FBXO25: variants seen among roughly 807,000 people sequenced by gnomAD.
FBXO25 encodes F-box only protein 25.
A neutral mutation model predicts 51.9 loss-of-function variants in FBXO25; 45 were observed. That is an observed-to-expected ratio of 0.87 (90% CI 0.68 to 1.11). FBXO25 has a LOEUF of 1.11. Among genes scored for constraint, FBXO25 ranks in the 50% most tolerant of loss-of-function variants. The probability of loss-of-function intolerance (pLI) is 0.00; values close to 1 mark genes in which losing one functional copy is unlikely to be tolerated. For missense variants in FBXO25, 507 were observed against 428.5 expected, an observed-to-expected ratio of 1.18 and a Z score of -1.62; for synonymous variants, 199 against 151.0, an observed-to-expected ratio of 1.32 and a Z score of -2.33.
rs1363573629 is a variant in FBXO25 at position 473,430 on chromosome 8, C to T, written c.*4626C>T. ...CTGCTGCCATTCTCGCCCTCAGCAT[C>T]TGTGAGATGAAGGAGTTGCTCCCCA... On this transcript the variant is annotated 3_prime_UTR_variant, in exon 10 of 10. Transcript: ENST00000350302. 6.6e-6 allele frequency: 1 copy of T among 152,344 alleles called. No individual in the cohort carries two copies. Among genetic ancestry groups the T allele is most frequent in the Non-Finnish European group, 1.5e-5 (1 of 68,130 alleles). The allele number at this position is 152,344 out of a possible 1,614,324, so 9.4% of individuals were successfully genotyped here.
intron 2 of FBXO25, among the ~76,000 whole-genome samples, chr8:415,519 C>T (rs1242587761): frequency 1.3e-5 from 2 of 152,104 alleles, no homozygotes; most frequent in Non-Finnish European, 2.9e-5. Context: ...GAGGGTAGGT[C>T]GGCTGGGGTC....
At chr8:443,635 G>A (rs1464899445) in intron 5 of FBXO25, among the ~76,000 whole-genome samples, 2 of 151,124 alleles carry the variant, frequency 1.3e-5, no homozygotes, top group Non-Finnish European at 2.9e-5. Flanking sequence ...TAAGCCTGAA[G>A]TGGAGGGCAT....
intron 3 of FBXO25, among the ~76,000 whole-genome samples, chr8:432,278 C>A (rs1031456367): frequency 6.6e-6 from 1 of 152,048 alleles, no homozygotes; most frequent in Non-Finnish European, 1.5e-5. Flanking sequence ...GCATCCCAGG[C>A]AGGACAGAGC....
chr8:468,356 C>G, intron 9 of FBXO25: 1 of 819,252 alleles, frequency 1.2e-6, no homozygotes, highest in Non-Finnish European at 1.5e-6. Flanking sequence ...AAAGGAATGG[C>G]TGGGACCAGA....
chr8:448,024 A>G (rs868346545), intron 5 of FBXO25, among the ~76,000 whole-genome samples: 1 of 152,214 alleles, frequency 6.6e-6, no homozygotes, highest in Non-Finnish European at 1.5e-5. Context: ...AAAAAAGGTG[A>G]TGGAAATAAT....
chr8:439,188 A>T (rs1228317953), intron 5 of FBXO25, among the ~76,000 whole-genome samples: 1 of 152,158 alleles, frequency 6.6e-6, no homozygotes, highest in African/African-American at 2.4e-5. Flanking sequence ...ATTTGTTATC[A>T]TTCCCTTGGA....
intron 2 of FBXO25, among the ~76,000 whole-genome samples, chr8:419,927 C>T (rs917562018): frequency 6.6e-6 from 1 of 152,112 alleles, no homozygotes; most frequent in Non-Finnish European, 1.5e-5. Flanking sequence ...AATAAGAAAA[C>T]AACCCAGTAA....
intron 1 of FBXO25, among the ~76,000 whole-genome samples, chr8:411,726 A>G (rs1796492880): frequency 6.6e-6 from 1 of 152,152 alleles, no homozygotes; most frequent in South Asian, 2.1e-4. Context: ...TGAAGGCACT[A>G]GATAATGGCT....
At chr8:410,741 T>C (rs1174476537) in intron 1 of FBXO25, among the ~76,000 whole-genome samples, 1 of 152,216 alleles carries the variant, frequency 6.6e-6, no homozygotes, top group Non-Finnish European at 1.5e-5. Flanking sequence ...AGACAAAGTT[T>C]ATCAAAATTG....
chr8:459,484 G>C (rs1799666727), intron 8 of FBXO25, among the ~76,000 whole-genome samples: 2 of 152,240 alleles, frequency 1.3e-5, no homozygotes, highest in African/African-American at 4.8e-5. Flanking sequence ...AGCCAGCAAA[G>C]CACATGGAAT....
chr8:441,323 C>G (rs1798412133), intron 5 of FBXO25, among the ~76,000 whole-genome samples: 1 of 152,282 alleles, frequency 6.6e-6, no homozygotes, highest in Non-Finnish European at 1.5e-5. Flanking sequence ...ATGCAAAAAA[C>G]TGAAACTGGA....
At chr8:458,607 G>A in intron 8 of FBXO25, 56 bp downstream of exon 8, 1 of 1,554,622 alleles carries the variant, frequency 6.4e-7, no homozygotes, top group Non-Finnish European at 8.8e-7. Context: ...CTCTGCCTGG[G>A]GGCCATACCC....
intron 9 of FBXO25, chr8:468,230 G>A (rs564900869): frequency 2.0e-6 from 2 of 1,010,018 alleles, no homozygotes; most frequent in South Asian, 4.4e-5. Context: ...CTTGGGGGCT[G>A]AGGCCGTGTG....
intron 5 of FBXO25, among the ~76,000 whole-genome samples, chr8:441,257 C>T (rs566120834): frequency 1.3e-5 from 2 of 152,312 alleles, no homozygotes; most frequent in East Asian, 3.9e-4. Flanking sequence ...CAAAAACAAG[C>T]AATGGCTAAA....
chr8:454,215 C>G (rs1038770515), intron 7 of FBXO25, among the ~76,000 whole-genome samples: 3 of 152,204 alleles, frequency 2.0e-5, no homozygotes, highest in African/African-American at 7.2e-5. Flanking sequence ...TTGTAAAGTT[C>G]CTAAGAACAT....
At chr8:429,965 T>A (rs1056414902) in intron 2 of FBXO25, among the ~76,000 whole-genome samples, 1 of 152,182 alleles carries the variant, frequency 6.6e-6, no homozygotes, top group Non-Finnish European at 1.5e-5. Flanking sequence ...ATGGGCAGAG[T>A]TGGTTCCAGC....
chr8:467,909 A>C, intron 9 of FBXO25: 1 of 1,491,514 alleles, frequency 6.7e-7, no homozygotes, highest in Non-Finnish European at 8.9e-7. Flanking sequence ...CTTTGATCAA[A>C]CACCTCAGCA....
intron 1 of FBXO25, among the ~76,000 whole-genome samples, chr8:412,674 A>C (rs1013930081): frequency 3.9e-5 from 6 of 152,170 alleles, no homozygotes; most frequent in Admixed American, 1.3e-4. Context: ...GCTTCAACCA[A>C]ACTGAACTAC....
rs17665340 is a variant in FBXO25, at chr8:413,185, A to G, written c.106A>G (p.Asn36Asp). Residue 36 changes from asparagine (N) to aspartate (D), a missense_variant, in exon 2 of 10, where the codon AAT (asparagine) becomes GAT (aspartate). Asn to Asp is a conservative substitution (Grantham distance 23). Transcript: ENST00000350302. ...ESCSQKLERE[N>D]NRCNISHSII... The stretch of plus-strand genomic sequence containing the variant: ...TTGTAGTCAGAAACTTGAAAGAGAG[A>G]ATAACCGTTGTAACATCAGTCACAG... The G allele has an allele frequency of 0.06, 96,483 of 1,607,190 alleles. 3,384 individuals carry two copies. The highest frequency in any genetic ancestry group is 0.1 in the Admixed American group (6,064 of 58,832).
Sources: allele counts gnomAD v4.1 joint callset (sites outside exome capture counted in the v4.1 genomes callset), GRCh38; gene constraint gnomAD v4.1.1; transcripts MANE v1.5; gene names NCBI Gene and HGNC (gene_info 2026-07-23, HGNC 2026-07-21).